FAF1: variants seen among roughly 807,000 people sequenced by gnomAD.
FAF1 encodes the protein Fas associated factor 1, also known as FAS-associated factor 1.
FAF1 carries 25 observed loss-of-function variants against 92.5 expected under a neutral mutation model. That is an observed-to-expected ratio of 0.27 (90% CI 0.20 to 0.38). FAF1 has a LOEUF of 0.38. Ranked by LOEUF, FAF1 falls within the 10% of genes least tolerant of loss-of-function variation. FAF1 has a pLI of 1.00. For missense variants in FAF1, 636 were observed against 793.3 expected, an observed-to-expected ratio of 0.80 and a Z score of 2.38; for synonymous variants, 234 against 273.2, an observed-to-expected ratio of 0.86 and a Z score of 1.42.
chr1:50,506,669 G>A (rs1452113336), intron 15 of FAF1, among the ~76,000 whole-genome samples: 1 of 152,166 alleles, frequency 6.6e-6, no homozygotes, highest in Non-Finnish European at 1.5e-5. Context: ...TTCAGCGTAA[G>A]TTAATGTATG....
chr1:50,518,982 A>G (rs939430068), intron 15 of FAF1, among the ~76,000 whole-genome samples: 16 of 152,120 alleles, frequency 1.1e-4, no homozygotes, highest in Non-Finnish European at 2.1e-4. Context: ...CAAGCAGTGA[A>G]TTTCTTCAGT....
Position 50,585,232 on chromosome 1 carries a change from T to C in FAF1, c.841-421A>G, listed in dbSNP as rs113502667. 1.2e-3 allele frequency among the ~76,000 whole-genome samples: 187 copies of C among 152,322 alleles called. 1 individual carries two copies. The highest frequency in any genetic ancestry group is 3.4e-3 in the Middle Eastern group (1 of 294). Reference sequence around the variant, plus strand: ...ATGGTAGCATTTCTAAACTTTCCACTTCCTTACTGCAGTGGTTCTCAGGTT... The same window carrying C: ...ATGGTAGCATTTCTAAACTTTCCACCTCCTTACTGCAGTGGTTCTCAGGTT... On this transcript the variant is annotated intron_variant, in intron 9 of 18. Transcript: ENST00000396153.
At chr1:50,567,998 C>A (rs750858199) in intron 12 of FAF1, among the ~76,000 whole-genome samples, 75 of 152,014 alleles carry the variant, frequency 4.9e-4, no homozygotes, top group Admixed American at 9.8e-4. Flanking sequence ...ATACTCAATG[C>A]AATAATTAAA....
chr1:50,836,168 C>CTTTTTTTTTTTT (rs1644200011), intron 2 of FAF1, among the ~76,000 whole-genome samples: 7 of 75,536 alleles, frequency 9.3e-5, no homozygotes, highest in Non-Finnish European at 1.2e-4. Context: ...TTTTTTGTTT[C>CTTTTTTTTTTTT]TGTTTTTTTT....
At chr1:50,530,928 T>C (rs141213271) in intron 15 of FAF1, among the ~76,000 whole-genome samples, 18 of 152,190 alleles carry the variant, frequency 1.2e-4, no homozygotes, top group African/African-American at 3.4e-4. Context: ...GGAAAAGGAA[T>C]GCACTGCTGA....
Position 50,567,072 on chromosome 1 carries a change from A to G in FAF1, c.1268+5T>C. ...CAACTTGTAACTTGTGAACAACAGT[A>G]TTACCTTGCTCTGTTGGAGTCCTTT... On this transcript the variant is annotated splice_donor_5th_base_variant and intron_variant, in intron 13 of 18. Coordinates refer to ENST00000396153, the MANE Select transcript of FAF1 (RefSeq NM_007051.3). The G allele has an allele frequency of 6.3e-7, 1 of 1,588,844 alleles. No homozygotes were observed. The highest frequency in any genetic ancestry group is 8.6e-7 in the Non-Finnish European group (1 of 1,167,808).
Position 50,584,780 on chromosome 1 carries a change from C to T in FAF1, c.872G>A (p.Ser291Asn). The T allele has an allele frequency of 6.2e-7, 1 of 1,613,548 alleles. No homozygotes were observed. The highest frequency in any genetic ancestry group is 8.5e-7 in the Non-Finnish European group (1 of 1,179,598). ...AGCATCTTCAAAGTCATCTCCATCG[C>T]TATCACTAACCATATGAACATCGGT... is the stretch of plus-strand genomic sequence containing the variant. ...QITDVHMVSD[S>N]DGDDFEDATE... Residue 291 changes from serine (S) to asparagine (N), a missense_variant, in exon 10 of 19, where the codon AGC becomes AAC. By Grantham distance (46) the Ser-to-Asn change is conservative (BLOSUM62 1). Transcript: ENST00000396153.
chr1:50,523,899 T>C (rs1229632802), intron 15 of FAF1, among the ~76,000 whole-genome samples: 1 of 152,220 alleles, frequency 6.6e-6, no homozygotes, highest in East Asian at 1.9e-4. Flanking sequence ...TTCCTTTGGG[T>C]AAATACCCAG....
At chr1:50,762,173 C>T (rs1660354624) in intron 4 of FAF1, among the ~76,000 whole-genome samples, 1 of 152,088 alleles carries the variant, frequency 6.6e-6, no homozygotes, top group Admixed American at 6.5e-5. Flanking sequence ...CAAACCACTG[C>T]TCAGTGAAAT....
intron 4 of FAF1, among the ~76,000 whole-genome samples, chr1:50,754,376 C>A (rs1418499723): frequency 6.6e-6 from 1 of 152,158 alleles, no homozygotes; most frequent in Non-Finnish European, 1.5e-5. Context: ...AGGAAAGATC[C>A]TTCTGAGTAG....
chr1:50,610,757 G>C (rs1176465811), intron 8 of FAF1, among the ~76,000 whole-genome samples: 1 of 151,996 alleles, frequency 6.6e-6, no homozygotes, highest in Non-Finnish European at 1.5e-5. Flanking sequence ...CCTCACACCT[G>C]TTAGGCTTCT....
At chr1:50,814,053 CAAT>C (rs1189532348) in intron 2 of FAF1, among the ~76,000 whole-genome samples, 9 of 151,854 alleles carry the variant, frequency 5.9e-5, no homozygotes, top group Non-Finnish European at 1.3e-4. Context: ...ATATTAACAG[CAAT>C]AATAATATAG....
intron 2 of FAF1, among the ~76,000 whole-genome samples, chr1:50,832,365 C>T (rs759572215): frequency 2.6e-5 from 4 of 152,100 alleles, no homozygotes; most frequent in Non-Finnish European, 5.9e-5. Context: ...CCAGCAGTAG[C>T]AACAGGAACA....
chr1:50,841,966 G>A (rs1331185536), intron 2 of FAF1, among the ~76,000 whole-genome samples: 1 of 151,972 alleles, frequency 6.6e-6, no homozygotes, highest in East Asian at 1.9e-4. Context: ...TAAGAATGCT[G>A]GATCATTACA....
At chr1:50,773,361 A>C (rs1212090148) in intron 4 of FAF1, among the ~76,000 whole-genome samples, 5 of 152,204 alleles carry the variant, frequency 3.3e-5, no homozygotes, top group African/African-American at 1.2e-4. Flanking sequence ...AATGTGTTGA[A>C]GAGATGTCTG....
intron 15 of FAF1, among the ~76,000 whole-genome samples, chr1:50,517,594 A>C (rs12239779): frequency 0.032 from 4,809 of 152,292 alleles, 265 homozygotes; most frequent in African/African-American, 0.11. Flanking sequence ...TGTATTTTAA[A>C]CAAGCTCCCC....
chr1:50,922,458 CAA>C (rs33971185), intron 1 of FAF1, among the ~76,000 whole-genome samples: 1 of 37,268 alleles, frequency 2.7e-5, no homozygotes, highest in African/African-American at 1.2e-4. Context: ...GACTCTGCCT[CAA>C]AAAAAAAAAA....
At chr1:50,472,622 G>A (rs1341721959) in intron 18 of FAF1, among the ~76,000 whole-genome samples, 1 of 152,112 alleles carries the variant, frequency 6.6e-6, no homozygotes, top group African/African-American at 2.4e-5. Context: ...GCAGGCATGG[G>A]AGGTACAGAA....
intron 15 of FAF1, among the ~76,000 whole-genome samples, chr1:50,521,369 T>A (rs1647491466): frequency 6.6e-6 from 1 of 152,184 alleles, no homozygotes; most frequent in African/African-American, 2.4e-5. Context: ...ACATAGGAAT[T>A]CAAGTTAGTG....
Sources: allele counts gnomAD v4.1 joint callset (sites outside exome capture counted in the v4.1 genomes callset), GRCh38; gene constraint gnomAD v4.1.1; transcripts MANE v1.5; gene names NCBI Gene and HGNC (gene_info 2026-07-23, HGNC 2026-07-21).